Variants in RAP1GAP2 observed in about 807,000 individuals in gnomAD.
The protein encoded by RAP1GAP2 is rap1 GTPase-activating protein 2.
RAP1GAP2 carries 27 observed loss-of-function variants against 95.0 expected under a neutral mutation model. The observed-to-expected ratio is 0.28, with a 90% CI of 0.21 to 0.39. RAP1GAP2 has a LOEUF of 0.39. Among genes scored for constraint, RAP1GAP2 ranks in the 10% least tolerant of loss-of-function variants. The pLI is 1.00. For missense variants in RAP1GAP2, 771 were observed against 970.0 expected, an observed-to-expected ratio of 0.79 and a Z score of 2.72; for synonymous variants, 373 against 380.9, an observed-to-expected ratio of 0.98 and a Z score of 0.24.
intron 3 of RAP1GAP2, among the ~76,000 whole-genome samples, chr17:2,944,161 CAA>C (rs36063732): frequency 0.18 from 14,796 of 81,760 alleles, 999 homozygotes; most frequent in African/African-American, 0.29. Context: ...ACAGCAAAAC[CAA>C]AAAAAAAAAA....
rs3039128 is a variant in RAP1GAP2, at chr17:2,889,889, A to ATT, written c.81-15381_81-15380dup. Among the ~76,000 whole-genome samples, 187 of 57,290 alleles carry ATT rather than the reference A, an allele frequency of 3.3e-3. 8 individuals are homozygous for ATT. The highest frequency in any genetic ancestry group is 0.012 in the African/African-American group (162 of 13,864). 37.6% of individuals were successfully genotyped at this position (57,290 alleles called of 152,430 possible). ...TATATATATATATATATATATATAT[A>ATT]TTTTTTTTTTTTTTTGTAGAGATGG... On this transcript the variant is annotated intron_variant, in intron 2 of 24. Coordinates refer to ENST00000254695, the MANE Select transcript of RAP1GAP2 (RefSeq NM_015085.5).
At chr17:2,833,728 G>A (rs555869032) in intron 2 of RAP1GAP2, among the ~76,000 whole-genome samples, 22 of 151,630 alleles carry the variant, frequency 1.5e-4, no homozygotes, top group African/African-American at 5.3e-4. Flanking sequence ...TGCCACAGTG[G>A]ACATCCTCAT....
chr17:3,012,977 G>C (rs974542283), intron 17 of RAP1GAP2, among the ~76,000 whole-genome samples: 18 of 152,198 alleles, frequency 1.2e-4, no homozygotes, highest in African/African-American at 4.1e-4. Flanking sequence ...GAGAAATGCT[G>C]AGCTCACCCA....
At chr17:2,823,441 T>C (rs541640163) in intron 2 of RAP1GAP2, among the ~76,000 whole-genome samples, 7 of 152,330 alleles carry the variant, frequency 4.6e-5, no homozygotes, top group African/African-American at 1.4e-4. Context: ...GTTAGGATTC[T>C]AGTTTCGTTG....
At chr17:2,976,383 A>C (rs1461830650) in intron 8 of RAP1GAP2, among the ~76,000 whole-genome samples, 1 of 152,248 alleles carries the variant, frequency 6.6e-6, no homozygotes, top group Non-Finnish European at 1.5e-5. Context: ...ATATAAGACA[A>C]ATTATCAACA....
chr17:2,969,179 C>CTATCTATCTA lies in RAP1GAP2; in HGVS notation c.596+3539_596+3540insCTATCTATAT, dbSNP rs1555581850. Among the ~76,000 whole-genome samples, 2,816 of 143,180 alleles carry CTATCTATCTA rather than the reference C, an allele frequency of 0.02. 142 individuals carry two copies. In the East Asian group the frequency reaches 0.21, roughly 11 times the overall value. The allele number at this position is 143,180 out of a possible 152,430, so 93.9% of individuals were successfully genotyped here. A position where few individuals can be genotyped will look rare whatever the true frequency, so the allele number is the denominator to read the frequency against. ...TATTTTTCTTTATCTATCTATCTAT[C>CTATCTATCTA]TATATATATATATATCTGTTTCTGT... On this transcript the variant is annotated intron_variant, in intron 8 of 24. Coordinates refer to ENST00000254695, the MANE Select transcript of RAP1GAP2 (RefSeq NM_015085.5).
chr17:2,771,099 CAACAA>C (rs986128972), intron 2 of RAP1GAP2, among the ~76,000 whole-genome samples: 1 of 151,980 alleles, frequency 6.6e-6, no homozygotes, highest in Non-Finnish European at 1.5e-5. Context: ...ACAAAAAACC[CAACAA>C]AACAAAACAA....
chr17:2,819,738 G>C (rs1445734972), intron 2 of RAP1GAP2, among the ~76,000 whole-genome samples: 3 of 151,784 alleles, frequency 2.0e-5, no homozygotes, highest in Non-Finnish European at 4.4e-5. Flanking sequence ...AAAGTGCTGG[G>C]ATTACAGGCA....
At chr17:2,907,277 A>G (rs1480448137) in intron 3 of RAP1GAP2, among the ~76,000 whole-genome samples, 1 of 152,120 alleles carries the variant, frequency 6.6e-6, no homozygotes, top group African/African-American at 2.4e-5. Flanking sequence ...GGTAGGTCCT[A>G]GAGGGAAATG....
intron 1 of RAP1GAP2, among the ~76,000 whole-genome samples, chr17:2,789,241 T>G (rs2068863021): frequency 6.6e-6 from 1 of 151,640 alleles, no homozygotes; most frequent in Admixed American, 6.6e-5. Flanking sequence ...GACATGGGGG[T>G]TCCACCATGT....
At chr17:2,966,690 C>T (rs995563238) in intron 8 of RAP1GAP2, among the ~76,000 whole-genome samples, 6 of 152,156 alleles carry the variant, frequency 3.9e-5, no homozygotes, top group African/African-American at 1.4e-4. Flanking sequence ...GGCTGGAAAT[C>T]ATATTTGCAA....
intron 7 of RAP1GAP2, 98 bp downstream of exon 7, chr17:2,964,166 AGGGAGGCTGT>A (rs1190939201): frequency 1.4e-5 from 14 of 974,618 alleles, no homozygotes; most frequent in South Asian, 5.0e-5. Context: ...GGAGAGGTTG[AGGGAGGCTGT>A]GGGAGGCTGT....
chr17:2,821,277 T>C (rs944172393), intron 2 of RAP1GAP2, among the ~76,000 whole-genome samples: 4 of 152,070 alleles, frequency 2.6e-5, no homozygotes, highest in African/African-American at 9.7e-5. Flanking sequence ...ACATGCTCAC[T>C]GTAGAACATT....
At chr17:2,768,954 C>T (rs963153407) in intron 1 of RAP1GAP2, among the ~76,000 whole-genome samples, 3 of 151,700 alleles carry the variant, frequency 2.0e-5, no homozygotes, top group Admixed American at 6.6e-5. Flanking sequence ...TGGCTAGGCT[C>T]AGTGGTGCAC....
At chr17:2,985,709 G>T (rs1006763194) in intron 11 of RAP1GAP2, among the ~76,000 whole-genome samples, 3 of 152,198 alleles carry the variant, frequency 2.0e-5, no homozygotes, top group Admixed American at 2.0e-4. Context: ...TTCTCAAAGT[G>T]TGTTTCATGA....
intron 23 of RAP1GAP2, among the ~76,000 whole-genome samples, chr17:3,031,942 C>G (rs2047322891): frequency 2.7e-5 from 4 of 149,566 alleles, no homozygotes; most frequent in African/African-American, 7.4e-5. Flanking sequence ...AGCTCCAGGT[C>G]CAGATGTGAG....
chr17:2,972,473 G>A (rs1277042913), intron 8 of RAP1GAP2, among the ~76,000 whole-genome samples: 1 of 151,970 alleles, frequency 6.6e-6, no homozygotes, highest in African/African-American at 2.4e-5. Flanking sequence ...CCAACATGGT[G>A]AAACCCTGTC....
intron 2 of RAP1GAP2, among the ~76,000 whole-genome samples, chr17:2,836,107 G>A (rs1266171774): frequency 5.3e-5 from 8 of 152,088 alleles, no homozygotes; most frequent in South Asian, 2.1e-4. Context: ...TCCCCATGTC[G>A]CCTTCGGGGG....
At chr17:2,944,481 A>T (rs1021582542) in intron 3 of RAP1GAP2, among the ~76,000 whole-genome samples, 1 of 151,574 alleles carries the variant, frequency 6.6e-6, no homozygotes, top group Non-Finnish European at 1.5e-5. Context: ...TCTTAATTCT[A>T]CTCTGTCGGT....
Sources: allele counts gnomAD v4.1 joint callset (sites outside exome capture counted in the v4.1 genomes callset), GRCh38; gene constraint gnomAD v4.1.1; transcripts MANE v1.5; gene names NCBI Gene and HGNC (gene_info 2026-07-23, HGNC 2026-07-21).